Variants in PLS3 observed in about 807,000 individuals in gnomAD.
The protein encoded by PLS3 is plastin-3.
A neutral mutation model predicts 46.5 loss-of-function variants in PLS3; 11 were observed. The observed-to-expected ratio is 0.24, with a 90% CI of 0.15 to 0.39. The LOEUF (loss-of-function observed/expected upper bound fraction) is 0.39. PLS3 is among the 10% of genes least tolerant of loss of function. The pLI is 1.00. For synonymous variants in PLS3, 167 were observed against 162.2 expected, an observed-to-expected ratio of 1.03 and a Z score of -0.22; for missense variants, 308 against 461.8, an observed-to-expected ratio of 0.67 and a Z score of 3.05.
intron 1 of PLS3, among the ~76,000 whole-genome samples, chrX:115,565,812 G>T (rs1341492376): frequency 2.7e-5 from 3 of 112,008 alleles, no homozygotes; most frequent in Non-Finnish European, 3.8e-5. Context: ...TTCCTTGACA[G>T]GGATTTTTGG....
chrX:115,604,708 G>T (rs2074474730), intron 1 of PLS3, among the ~76,000 whole-genome samples: 1 of 111,717 alleles, frequency 9.0e-6, no homozygotes, highest in African/African-American at 3.3e-5. Context: ...GAACCCATCC[G>T]GGATGTTTTA....
At chrX:115,648,242 G>A (rs782389896) in intron 15 of PLS3, among the ~76,000 whole-genome samples, 8 of 111,653 alleles carry the variant, frequency 7.2e-5, no homozygotes, top group Non-Finnish European at 1.5e-4. Flanking sequence ...TGGCCTACTA[G>A]GTGCTTAGTC....
At chrX:115,577,109 T>A (rs191232298) in intron 1 of PLS3, among the ~76,000 whole-genome samples, 3 of 112,262 alleles carry the variant, frequency 2.7e-5, no homozygotes, top group South Asian at 3.8e-4. Flanking sequence ...CAACTTTGTT[T>A]AGTAGCAGTG....
intron 1 of PLS3, among the ~76,000 whole-genome samples, chrX:115,567,323 A>G (rs925079222): frequency 9.0e-6 from 1 of 111,368 alleles, no homozygotes; most frequent in African/African-American, 3.3e-5. Flanking sequence ...ATGGCCTGGC[A>G]CGGTGGCTCA....
chrX:115,571,535 GAA>G (rs1473676537), intron 1 of PLS3, among the ~76,000 whole-genome samples: 23 of 105,875 alleles, frequency 2.2e-4, no homozygotes, highest in African/African-American at 3.5e-4. Context: ...AAAAGAAAAA[GAA>G]AGAGAGAAAG....
At chrX:115,610,930 G>C in intron 2 of PLS3, 3 of 893,362 alleles carry the variant, frequency 3.4e-6, no homozygotes, top group Non-Finnish European at 4.7e-6. Context: ...AGGTAAATAT[G>C]GAGTATTTAC....
At chrX:115,635,905 G>A (rs1328772523) in intron 7 of PLS3, among the ~76,000 whole-genome samples, 1 of 108,440 alleles carries the variant, frequency 9.2e-6, no homozygotes, top group Non-Finnish European at 1.9e-5. Flanking sequence ...CAGGAGAATC[G>A]CTTGAACCTG....
intron 1 of PLS3, among the ~76,000 whole-genome samples, chrX:115,561,548 A>G (rs978277724): frequency 1.8e-4 from 20 of 111,959 alleles, no homozygotes; most frequent in African/African-American, 5.2e-4. Context: ...TTTTCTTACT[A>G]GTTGCTCTTA....
At chrX:115,613,750 G>A (rs782593560) in intron 2 of PLS3, among the ~76,000 whole-genome samples, 4 of 109,548 alleles carry the variant, frequency 3.7e-5, no homozygotes, top group South Asian at 8.0e-4. Flanking sequence ...CTCCCACCTC[G>A]GCCTCCTAAA....
chrX:115,639,404 G>T (rs890725085), intron 8 of PLS3, among the ~76,000 whole-genome samples: 4 of 111,734 alleles, frequency 3.6e-5, no homozygotes, highest in Non-Finnish European at 3.8e-5. Flanking sequence ...GGTTTAAAAG[G>T]CACCTTTCTG....
intron 1 of PLS3, among the ~76,000 whole-genome samples, chrX:115,590,019 G>A (rs2074334283): frequency 9.0e-6 from 1 of 111,347 alleles, no homozygotes; most frequent in Non-Finnish European, 1.9e-5. Flanking sequence ...ACACCAATCT[G>A]GCTTTTTTGA....
intron 10 of PLS3, among the ~76,000 whole-genome samples, chrX:115,644,064 C>T (rs1327213120): frequency 1.8e-5 from 2 of 111,013 alleles, no homozygotes; most frequent in African/African-American, 6.5e-5. Context: ...TAGGGTTAGA[C>T]CACTTTTTAA....
Position 115,601,290 on chromosome X carries a change from A to T in PLS3, c.-8-8953A>T, listed in dbSNP as rs1027843462. ...GAAGTAGCATTGGAAAGATGGGCAGACATAAAGCTAGAAGTCAAGTCAGAA... is the reference window on the plus strand; with the variant it reads ...GAAGTAGCATTGGAAAGATGGGCAGTCATAAAGCTAGAAGTCAAGTCAGAA... On this transcript the variant is annotated intron_variant, in intron 1 of 15. Transcript: ENST00000355899. Among the ~76,000 whole-genome samples the T allele has an allele frequency of 6.4e-5, 7 of 109,997 alleles. No homozygotes were observed. In the East Asian group the frequency reaches 2.0e-3, roughly 32 times the overall value.
Position 115,578,522 on chromosome X carries a change from GAGACC to G in PLS3, c.-9+17264_-9+17268del, listed in dbSNP as rs2074261413. ...AGGCGGATCACGAGGTTAGGAGATCGAGACCATCCTGGCTAACACGGTGAAACCTC... is the reference window on the plus strand; with the variant it reads ...AGGCGGATCACGAGGTTAGGAGATCGATCCTGGCTAACACGGTGAAACCTC... On this transcript the variant is annotated intron_variant, in intron 1 of 15. Coordinates refer to ENST00000355899, the MANE Select transcript of PLS3 (RefSeq NM_005032.7). 2.8e-5 allele frequency among the ~76,000 whole-genome samples: 3 copies of G among 108,851 alleles called. No individual in the cohort carries two copies. In the South Asian group the frequency reaches 1.2e-3, roughly 44 times the overall value. The allele number at this position is 108,851 out of a possible 115,157, so 94.5% of individuals were successfully genotyped here. A position where few individuals can be genotyped will look rare whatever the true frequency, so the allele number is the denominator to read the frequency against.
intron 1 of PLS3, among the ~76,000 whole-genome samples, chrX:115,608,698 A>G (rs374546869): frequency 1.8e-5 from 2 of 112,121 alleles, no homozygotes; most frequent in African/African-American, 6.5e-5. Context: ...AGTGTTTACT[A>G]CAGTAACCTG....
chrX:115,574,657 G>A (rs782137470), intron 1 of PLS3, among the ~76,000 whole-genome samples: 43 of 110,168 alleles, frequency 3.9e-4, no homozygotes, highest in East Asian at 2.0e-3. Flanking sequence ...TCGGCTCACC[G>A]TAACCTCCGC....
chrX:115,561,809 AG>A (rs1261604723), intron 1 of PLS3, among the ~76,000 whole-genome samples: 3 of 110,549 alleles, frequency 2.7e-5, no homozygotes, highest in Non-Finnish European at 5.7e-5. Context: ...GGCTCTGGAG[AG>A]GGGGGGCCGT....
intron 5 of PLS3, among the ~76,000 whole-genome samples, chrX:115,631,098 C>T (rs905727713): frequency 9.8e-6 from 1 of 101,988 alleles, no homozygotes; most frequent in Non-Finnish European, 2.0e-5. Context: ...CTCTTGTTGC[C>T]CAGGCTGGAG....
At chrX:115,605,617 G>T (rs1162054598) in intron 1 of PLS3, among the ~76,000 whole-genome samples, 1 of 110,282 alleles carries the variant, frequency 9.1e-6, no homozygotes, top group Non-Finnish European at 1.9e-5. Context: ...CACCACCCAC[G>T]ATGCCCAGTT....
Sources: allele counts gnomAD v4.1 joint callset (sites outside exome capture counted in the v4.1 genomes callset), GRCh38; gene constraint gnomAD v4.1.1; transcripts MANE v1.5; gene names NCBI Gene and HGNC (gene_info 2026-07-23, HGNC 2026-07-21).